Variants in UGT1A10 observed in about 807,000 individuals in gnomAD.
UGT1A10 encodes the protein UDP glucuronosyltransferase family 1 member A10.
In UGT1A10, 49 loss-of-function variants were observed where a neutral mutation model predicts 45.8. The ratio of observed to expected loss-of-function variants is 1.07; its 90% CI spans 0.85 to 1.36. The LOEUF is 1.36. UGT1A10 is among the 40% of genes most tolerant of loss of function. The pLI, the probability that UGT1A10 is intolerant of heterozygous loss-of-function variation, is 0.00. For missense variants in UGT1A10, 745 were observed against 668.6 expected, an observed-to-expected ratio of 1.11 and a Z score of -1.26; for synonymous variants, 284 against 249.7, an observed-to-expected ratio of 1.14 and a Z score of -1.29.
chr2:233,655,474 C>T (rs1222495354), intron 1 of UGT1A10, among the ~76,000 whole-genome samples: 1 of 152,196 alleles, frequency 6.6e-6, no homozygotes, highest in Non-Finnish European at 1.5e-5. Flanking sequence ...TAAGGAGGCT[C>T]ATGCTTCTCT....
At chr2:233,727,846 T>C (rs1234756694) in intron 1 of UGT1A10, among the ~76,000 whole-genome samples, 1 of 152,150 alleles carries the variant, frequency 6.6e-6, no homozygotes, top group East Asian at 1.9e-4. Context: ...TGTGGAGTAA[T>C]TTCCTCCCTA....
At chr2:233,730,120 A>G in intron 1 of UGT1A10, 3 of 1,552,984 alleles carry the variant, frequency 1.9e-6, no homozygotes, top group Non-Finnish European at 1.7e-6. Context: ...TCTCCTTGTC[A>G]TAATAGCCTT....
chr2:233,682,671 AC>A, intron 1 of UGT1A10: 1 of 1,613,852 alleles, frequency 6.2e-7, no homozygotes, highest in Non-Finnish European at 8.5e-7. Flanking sequence ...TATGATCTCT[AC>A]AGCCACACAT....
intron 1 of UGT1A10, among the ~76,000 whole-genome samples, chr2:233,661,623 T>TTTTCTTTCTTTCTTTTCTTTTCTTTC: frequency 8.1e-6 from 1 of 123,952 alleles, no homozygotes; most frequent in Non-Finnish European, 1.7e-5. Flanking sequence ...ACTTACTGAA[T>TTTTCTTTCTTTCTTTTCTTTTCTTTC]TTTCTTTCTT....
chr2:233,712,754 C>T lies in UGT1A10; in HGVS notation c.856-54280C>T, dbSNP rs910147754. ...GCTTGAACTTGGATGTTCCCCAGAGCGAGCGCAAGGTCAGATGAGTTTTTC... is the reference window on the plus strand; with the variant it reads ...GCTTGAACTTGGATGTTCCCCAGAGTGAGCGCAAGGTCAGATGAGTTTTTC... On this transcript the variant is annotated intron_variant, in intron 1 of 4. Coordinates refer to ENST00000344644, the MANE Select transcript of UGT1A10 (RefSeq NM_019075.4). Among the ~76,000 whole-genome samples the T allele has an allele frequency of 2.6e-5, 4 of 151,984 alleles. No homozygotes were observed. The East Asian group carries it at 5.8e-4, about 22-fold the overall frequency.
rs1490037301 is a variant in UGT1A10 at position 233,636,618 on chromosome 2, C to A, written c.96C>A (p.Pro32=). ...AGGCAGGGAAGCTGCTGGTAGTGCCCATGGATGGGAGTCACTGGTTCACCA... is the reference window on the plus strand; with the variant it reads ...AGGCAGGGAAGCTGCTGGTAGTGCCAATGGATGGGAGTCACTGGTTCACCA... The part of the protein sequence containing the change: ...FAEAGKLLVV[P]MDGSHWFTMQ... The change falls in exon 1 of 5, where the codon CCC becomes CCA. Residue 32 remains proline, a synonymous_variant. Coordinates refer to ENST00000344644, the MANE Select transcript of UGT1A10 (RefSeq NM_019075.4). The A allele has an allele frequency of 1.4e-5, 23 of 1,613,990 alleles. No individual in the cohort carries two copies. Among genetic ancestry groups the A allele is most frequent in the Non-Finnish European group, 1.9e-5 (22 of 1,180,038 alleles).
chr2:233,749,830 G>A (rs1694282037), intron 1 of UGT1A10, among the ~76,000 whole-genome samples: 1 of 151,888 alleles, frequency 6.6e-6, no homozygotes, highest in African/African-American at 2.4e-5. Flanking sequence ...TCTCTTTCAT[G>A]TAAGACGTGT....
chr2:233,733,404 C>T (rs2078393693), intron 1 of UGT1A10, among the ~76,000 whole-genome samples: 1 of 152,148 alleles, frequency 6.6e-6, no homozygotes, highest in African/African-American at 2.4e-5. Flanking sequence ...AAAGGGAATG[C>T]TTCCAGTTTT....
chr2:233,755,506 C>T (rs1314328553), intron 1 of UGT1A10: 1 of 167,798 alleles, frequency 6.0e-6, no homozygotes, highest in Admixed American at 5.8e-5. Context: ...CAAGACCAGG[C>T]CCCGCCCACT....
At position 233,772,732 on chromosome 2, in the gene UGT1A10, A is replaced by G. The variant is rs1259415832; in HGVS notation, c.*173A>G. On this transcript the variant is annotated 3_prime_UTR_variant, in exon 5 of 5. Transcript: ENST00000344644. ...CTTAAATAAAAATAATAGACTCGCT[A>G]GTCAGTAAAGATATTTGAATATGTA... 4.9e-6 allele frequency: 7 copies of G among 1,442,298 alleles called. No homozygotes were observed. Among genetic ancestry groups the G allele is most frequent in the Non-Finnish European group, 6.4e-6 (7 of 1,099,406 alleles). The allele number at this position is 1,442,298 out of a possible 1,614,324, so 89.3% of individuals were successfully genotyped here.
intron 1 of UGT1A10, chr2:233,753,481 C>G (rs1199479898): frequency 6.6e-6 from 1 of 152,192 alleles, no homozygotes; most frequent in African/African-American, 2.4e-5. Flanking sequence ...TACCAGCATG[C>G]TGCTCTTAAT....
At position 233,636,791 on chromosome 2, in the gene UGT1A10, T is replaced by A. The variant is rs374911813; in HGVS notation, c.269T>A (p.Phe90Tyr). ...SYTLEDQNREFMVFAHAQWKA... is the reference protein window; with the variant it reads ...SYTLEDQNREYMVFAHAQWKA... The stretch of plus-strand genomic sequence containing the variant: ...ACTCTGGAAGATCAGAACCGGGAAT[T>A]CATGGTTTTCGCCCATGCTCAATGG... Residue 90 changes from phenylalanine to tyrosine, a missense_variant, in exon 1 of 5, where the codon TTC becomes TAC. By Grantham distance (22) the Phe-to-Tyr change is conservative. Coordinates refer to ENST00000344644, the MANE Select transcript of UGT1A10 (RefSeq NM_019075.4). 7.5e-5 allele frequency: 121 copies of A among 1,614,108 alleles called. No individual in the cohort carries two copies. The highest frequency in any genetic ancestry group is 1.0e-4 in the Non-Finnish European group (119 of 1,180,044).
intron 1 of UGT1A10, among the ~76,000 whole-genome samples, chr2:233,764,385 C>T (rs1299567681): frequency 6.6e-6 from 1 of 152,140 alleles, no homozygotes; most frequent in South Asian, 2.1e-4. Flanking sequence ...AGGAGTTGGC[C>T]GTGATGACAA....
intron 1 of UGT1A10, among the ~76,000 whole-genome samples, chr2:233,733,033 T>G (rs202002745): frequency 2.0e-5 from 3 of 152,098 alleles, no homozygotes; most frequent in Non-Finnish European, 4.4e-5. Context: ...CACATCCCTT[T>G]TAAGTTGGAT....
rs34150486 is a variant in UGT1A10, at chr2:233,743,623, G to A, written c.856-23411G>A. 20 of 1,367,332 alleles carry A rather than the reference G, an allele frequency of 1.5e-5. No homozygotes were observed. In the South Asian group the frequency reaches 1.8e-4, roughly 12 times the overall value. 84.7% of individuals were successfully genotyped at this position (1,367,332 alleles called of 1,614,324 possible). A position where few individuals can be genotyped will look rare whatever the true frequency, so the allele number is the denominator to read the frequency against. ...GGCCGCCGAAGAACTCCCTGAAGAC[G>A]TCGGCTGGGTCGCGGAAGCTGAAGA... On this transcript the variant is annotated intron_variant, in intron 1 of 4. Transcript: ENST00000344644.
chr2:233,772,522 G>A lies in UGT1A10; in HGVS notation c.1556G>A (p.Gly519Glu). The A allele has an allele frequency of 6.2e-7, 1 of 1,614,168 alleles. No homozygotes were observed. Among genetic ancestry groups the A allele is most frequent in the Non-Finnish European group, 8.5e-7 (1 of 1,180,032 alleles). ...YGYRKCLGKK[G>E]RVKKAHKSKT... ...TACCGGAAATGCTTGGGGAAAAAAG[G>A]GCGAGTTAAGAAAGCCCACAAATCC... The change falls in exon 5 of 5, where the codon GGG becomes GAG. Residue 519 changes from glycine to glutamate, a missense_variant. Gly to Glu is a moderately conservative substitution (Grantham distance 98). Coordinates refer to ENST00000344644, the MANE Select transcript of UGT1A10 (RefSeq NM_019075.4).
intron 1 of UGT1A10, among the ~76,000 whole-genome samples, chr2:233,694,434 A>G (rs1178426313): frequency 6.6e-6 from 1 of 152,168 alleles, no homozygotes; most frequent in Admixed American, 6.5e-5. Flanking sequence ...CAAAGCCTAC[A>G]CATTTACTGA....
chr2:233,747,362 G>A, intron 1 of UGT1A10: 1 of 1,603,780 alleles, frequency 6.2e-7, no homozygotes, highest in Non-Finnish European at 8.5e-7. Flanking sequence ...CCGTGCGGGA[G>A]CTCCATGCCA....
chr2:233,694,172 G>C (rs2075203496), intron 1 of UGT1A10, among the ~76,000 whole-genome samples: 1 of 152,246 alleles, frequency 6.6e-6, no homozygotes, highest in African/African-American at 2.4e-5. Flanking sequence ...AGAGGTGAAG[G>C]CTTGACTAAG....
Sources: allele counts gnomAD v4.1 joint callset (sites outside exome capture counted in the v4.1 genomes callset), GRCh38; gene constraint gnomAD v4.1.1; transcripts MANE v1.5; gene names NCBI Gene and HGNC (gene_info 2026-07-23, HGNC 2026-07-21).